LONRF1: variants seen among roughly 807,000 people sequenced by gnomAD.
LONRF1 encodes LON peptidase N-terminal domain and ring finger 1.
In LONRF1, 37 loss-of-function variants were observed where a neutral mutation model predicts 85.8. That is an observed-to-expected ratio of 0.43 (90% CI 0.33 to 0.57). The LOEUF (loss-of-function observed/expected upper bound fraction) is 0.57, where lower values mean the gene tolerates loss of function less well. Among genes scored for constraint, LONRF1 ranks in the 20% least tolerant of loss-of-function variants. LONRF1 has a pLI of 0.04. For synonymous variants in LONRF1, 517 were observed against 390.1 expected (o/e 1.33, Z -3.83); for missense variants, 1,036 against 978.0 (o/e 1.06, Z -0.79).
intron 1 of LONRF1, among the ~76,000 whole-genome samples, chr8:12,747,715 G>A (rs10441667): frequency 0.94 from 142,841 of 152,098 alleles, 67,579 homozygotes; most frequent in Non-Finnish European, 1. Flanking sequence ...AACAGAGAGG[G>A]CTGTCTTATT....
Position 12,729,336 on chromosome 8 carries a change from A to AG in LONRF1, c.1689-5dup, listed in dbSNP as rs1563137278. On this transcript the variant is annotated splice_polypyrimidine_tract_variant and splice_region_variant and intron_variant, in intron 8 of 11. Coordinates refer to ENST00000398246, the MANE Select transcript of LONRF1 (RefSeq NM_152271.5). The stretch of plus-strand genomic sequence containing the variant: ...TATTGGAACATTCTTGGTCAAGCTA[A>AG]GGGAAAAACAGTTTAATTATTAGAA... The AG allele has an allele frequency of 6.2e-7, 1 of 1,611,500 alleles. No homozygotes were observed. Among genetic ancestry groups the AG allele is most frequent in the African/African-American group, 1.3e-5 (1 of 74,960 alleles).
intron 7 of LONRF1, among the ~76,000 whole-genome samples, chr8:12,733,422 T>G (rs1410154110): frequency 1.3e-5 from 2 of 152,120 alleles, no homozygotes; most frequent in Non-Finnish European, 2.9e-5. Flanking sequence ...TCCCAAAAAT[T>G]TAACCTAAGG....
At chr8:12,724,355 A>G (rs4831769) in intron 11 of LONRF1, among the ~76,000 whole-genome samples, 145,384 of 152,122 alleles carry the variant, frequency 0.96, 69,811 homozygotes, top group Non-Finnish European at 1. Context: ...ACAGTGGTGC[A>G]GACTTGCTGG....
chr8:12,740,982 T>C lies in LONRF1; in HGVS notation c.855A>G (p.Lys285=), dbSNP rs937924475. Residue 285 remains lysine, a synonymous_variant, in exon 3 of 12, where the codon AAA becomes AAG. Coordinates refer to ENST00000398246, the MANE Select transcript of LONRF1 (RefSeq NM_152271.5). ...LPDWPEVYFR[K]GKVLCDAGFL... Reference sequence around the variant, plus strand: ...AACCAGCATCGCAGAGTACTTTTCCTTTCCTGAAGTAGACCTTTAATAAAA... The same window carrying C: ...AACCAGCATCGCAGAGTACTTTTCCCTTCCTGAAGTAGACCTTTAATAAAA... 4 of 1,613,366 alleles carry C rather than the reference T, an allele frequency of 2.5e-6. No individual in the cohort carries two copies. Among genetic ancestry groups the C allele is most frequent in the Non-Finnish European group, 3.4e-6 (4 of 1,179,486 alleles).
intron 1 of LONRF1, among the ~76,000 whole-genome samples, chr8:12,748,376 T>C (rs1799248812): frequency 7.1e-6 from 1 of 140,070 alleles, no homozygotes; most frequent in Non-Finnish European, 1.6e-5. Flanking sequence ...TTAAATTTTT[T>C]TGTACAGATA....
chr8:12,725,966 C>T, intron 10 of LONRF1, 87 bp from the exon 11 acceptor site: 1 of 1,252,068 alleles, frequency 8.0e-7, no homozygotes, highest in Non-Finnish European at 1.1e-6. Context: ...AAAAAGGGAT[C>T]AGAAGAACAG....
intron 3 of LONRF1, among the ~76,000 whole-genome samples, chr8:12,739,497 G>A (rs1416155691): frequency 6.6e-6 from 1 of 152,150 alleles, no homozygotes; most frequent in Non-Finnish European, 1.5e-5. Context: ...TTACTGGAAA[G>A]GAGATGAAGG....
At position 12,747,878 on chromosome 8, in the gene LONRF1, T is replaced by C. The variant is rs182253450; in HGVS notation, c.722-4596A>G. ...TTCTGTCTGGTCTGCTGGTGCCTAG[T>C]GCAGGTCAGTCTAAAACAAACGGCC... On this transcript the variant is annotated intron_variant, in intron 1 of 11. Coordinates refer to ENST00000398246, the MANE Select transcript of LONRF1 (RefSeq NM_152271.5). Among the ~76,000 whole-genome samples, 435 of 152,336 alleles carry C rather than the reference T, an allele frequency of 2.9e-3. 3 individuals are homozygous for C. The highest frequency in any genetic ancestry group is 9.0e-3 in the African/African-American group (373 of 41,570).
intron 2 of LONRF1, 142 bp downstream of exon 2, chr8:12,743,022 A>C (rs1407620773): frequency 1.6e-6 from 1 of 643,058 alleles, no homozygotes; most frequent in East Asian, 2.8e-5. Context: ...CATTGCACCT[A>C]GGTGAACCTA....
At position 12,741,603 on chromosome 8, in the gene LONRF1, T is replaced by C. The variant is rs75372103; in HGVS notation, c.841-607A>G. On this transcript the variant is annotated intron_variant, in intron 2 of 11. Transcript: ENST00000398246. ...AGGAAATTACTGATTTAAATATTAT[T>C]GATTTAATTTGAGGGAAAAGGAAAT... 6.6e-3 allele frequency among the ~76,000 whole-genome samples: 1,008 copies of C among 152,244 alleles called. 9 individuals are homozygous for C. Among genetic ancestry groups the C allele is most frequent in the East Asian group, 0.043 (222 of 5,186 alleles).
intron 7 of LONRF1, among the ~76,000 whole-genome samples, chr8:12,734,502 G>T (rs1798645517): frequency 1.3e-5 from 2 of 152,074 alleles, no homozygotes; most frequent in South Asian, 4.1e-4. Flanking sequence ...AGAATCACAG[G>T]CTTTAGCCTG....
chr8:12,738,149 A>G lies in LONRF1; in HGVS notation c.964-5T>C. ...TAATAATAAATCACATAAAATCTGT[A>G]AGAGAAATATTAAAAGTAGTAGAAA... On this transcript the variant is annotated splice_polypyrimidine_tract_variant and splice_region_variant and intron_variant, in intron 3 of 11. Transcript: ENST00000398246. The G allele has an allele frequency of 1.3e-6, 2 of 1,500,826 alleles. No homozygotes were observed. Among genetic ancestry groups the G allele is most frequent in the Non-Finnish European group, 1.8e-6 (2 of 1,102,868 alleles). 93.0% of individuals were successfully genotyped at this position (1,500,826 alleles called of 1,614,324 possible). A position where few individuals can be genotyped will look rare whatever the true frequency, so the allele number is the denominator to read the frequency against.
intron 1 of LONRF1, among the ~76,000 whole-genome samples, chr8:12,747,840 G>T (rs1799226123): frequency 6.6e-6 from 1 of 151,948 alleles, no homozygotes; most frequent in South Asian, 2.1e-4. Flanking sequence ...CAGCACAAGG[G>T]CCTCCATTCT....
At chr8:12,735,517 CA>C (rs1258439386) in intron 6 of LONRF1, 117 bp from the exon 7 acceptor site, 8 of 678,862 alleles carry the variant, frequency 1.2e-5, no homozygotes, top group Admixed American at 7.1e-5. Context: ...GAGGGCCCAG[CA>C]GGCAGGAGAG....
In LONRF1 at chr8:12,722,134, A is replaced by G. The variant is rs866987671; in HGVS notation, c.*962T>C. Reference sequence around the variant, plus strand: ...ACATTTGCACCGAGACCAGAATTAAAAACAAAAACAAACTTTAAAAGCTTA... The same window carrying G: ...ACATTTGCACCGAGACCAGAATTAAGAACAAAAACAAACTTTAAAAGCTTA... On this transcript the variant is annotated 3_prime_UTR_variant, in exon 12 of 12. Coordinates refer to ENST00000398246, the MANE Select transcript of LONRF1 (RefSeq NM_152271.5). The G allele has an allele frequency of 1.3e-5, 2 of 152,730 alleles. No individual in the cohort carries two copies. Among genetic ancestry groups the G allele is most frequent in the Middle Eastern group, 3.4e-3 (1 of 294 alleles). 9.5% of individuals were successfully genotyped at this position (152,730 alleles called of 1,614,324 possible).
chr8:12,741,908 C>T (rs1798947059), intron 2 of LONRF1, among the ~76,000 whole-genome samples: 1 of 174 alleles, frequency 5.7e-3, no homozygotes, highest in South Asian at 0.25. Flanking sequence ...ACCCAAAATT[C>T]AGTCCTGTGG....
At chr8:12,727,119 CTT>C (rs368812604) in intron 10 of LONRF1, 9,577 of 133,768 alleles carry the variant, frequency 0.072, 421 homozygotes, top group Middle Eastern at 0.12. Context: ...CTTGTTAAAT[CTT>C]TTTTTTTTTT....
At chr8:12,727,711 C>G (rs1467002475) in intron 10 of LONRF1, among the ~76,000 whole-genome samples, 1 of 152,110 alleles carries the variant, frequency 6.6e-6, no homozygotes, top group Admixed American at 6.5e-5. Flanking sequence ...AAAGAAGAAC[C>G]TTTAGCAAGT....
In LONRF1 at chr8:12,738,015, TGA is replaced by T. The variant is rs1202939923; in HGVS notation, c.1091_1092del (p.Leu364GlnfsTer2). The part of the protein sequence containing the change: ...FHSVMEESQS[L>X]NEPSPKQSEE... The stretch of plus-strand genomic sequence containing the variant: ...CGTACCTGCTTTGGGCTAGGTTCAT[TGA>T]GAGACTGAGACTCTTCCATCACTGA... On this transcript the variant is annotated frameshift_variant, in exon 4 of 12. Coordinates refer to ENST00000398246, the MANE Select transcript of LONRF1 (RefSeq NM_152271.5). LOFTEE classifies it high-confidence loss of function. 1 of 1,608,840 alleles carries T rather than the reference TGA, an allele frequency of 6.2e-7. No homozygotes were observed.
Sources: allele counts gnomAD v4.1 joint callset (sites outside exome capture counted in the v4.1 genomes callset), GRCh38; gene constraint gnomAD v4.1.1; transcripts MANE v1.5; gene names NCBI Gene and HGNC (gene_info 2026-07-23, HGNC 2026-07-21).